Variants in TIMMDC1 observed in about 807,000 individuals in gnomAD.
The protein encoded by TIMMDC1 is complex I assembly factor TIMMDC1, mitochondrial.
A neutral mutation model predicts 32.6 loss-of-function variants in TIMMDC1; 25 were observed. That is an observed-to-expected ratio of 0.77 (90% CI 0.56 to 1.07). The LOEUF (loss-of-function observed/expected upper bound fraction) is 1.07, where lower values mean the gene tolerates loss of function less well. Ranked by LOEUF, TIMMDC1 falls within the 50% of genes least tolerant of loss-of-function variation. The pLI is 0.00. For synonymous variants in TIMMDC1, 130 were observed against 127.6 expected (o/e 1.02, Z -0.13); for missense variants, 329 against 349.2 (o/e 0.94, Z 0.46).
chr3:119,508,105 T>G (rs1258417798), intron 4 of TIMMDC1, among the ~76,000 whole-genome samples: 1 of 152,182 alleles, frequency 6.6e-6, no homozygotes, highest in African/African-American at 2.4e-5. Context: ...TCTGGCATAT[T>G]TCAAAATGGT....
At position 119,503,573 on chromosome 3, in the gene TIMMDC1, T is replaced by C. The variant is rs375352417; in HGVS notation, c.402T>C (p.Tyr134=). Residue 134 remains tyrosine (Y), a synonymous_variant, in exon 3 of 7, where the codon TAT becomes TAC. Transcript: ENST00000494664. ...CTGCCACACGAGGCTTCATTCGTTA[T>C]GGCTGGCGCTGGGGTTGGAGAACTG... ...HRAATRGFIR[Y]GWRWGWRTAV... The C allele has an allele frequency of 4.3e-6, 7 of 1,612,384 alleles. No homozygotes were observed. Among genetic ancestry groups the C allele is most frequent in the Admixed American group, 1.7e-5 (1 of 59,606 alleles).
At chr3:119,518,079 A>G (rs909922233) in intron 6 of TIMMDC1, among the ~76,000 whole-genome samples, 2 of 151,878 alleles carry the variant, frequency 1.3e-5, no homozygotes, top group African/African-American at 4.8e-5. Context: ...AATTAGGTGG[A>G]CAATGGTTGT....
At chr3:119,500,092 C>T (rs902593145) in intron 1 of TIMMDC1, among the ~76,000 whole-genome samples, 10 of 152,140 alleles carry the variant, frequency 6.6e-5, no homozygotes, top group African/African-American at 2.4e-5. Flanking sequence ...TAGTACAGTC[C>T]TATCTGAGTA....
intron 5 of TIMMDC1, among the ~76,000 whole-genome samples, chr3:119,516,724 G>A (rs1232553662): frequency 6.6e-6 from 1 of 152,100 alleles, no homozygotes; most frequent in African/African-American, 2.4e-5. Context: ...TTGAACTTCA[G>A]GATATTTTGG....
intron 5 of TIMMDC1, among the ~76,000 whole-genome samples, chr3:119,516,231 AT>A (rs2081984632): frequency 6.6e-6 from 1 of 152,228 alleles, no homozygotes; most frequent in Non-Finnish European, 1.5e-5. Flanking sequence ...AACTATATGC[AT>A]TAAAAACTAA....
In TIMMDC1 at chr3:119,524,979, A is replaced by C. The variant is rs1344601145; in HGVS notation, c.*1223A>C. ...CATAAATATTTTACAAATGAGGTCA[A>C]ACTAGCATAAAGCCATTTAAAGAGA... On this transcript the variant is annotated 3_prime_UTR_variant, in exon 7 of 7. Coordinates refer to ENST00000494664, the MANE Select transcript of TIMMDC1 (RefSeq NM_016589.4). 6.6e-6 allele frequency: 1 copy of C among 152,266 alleles called. No individual in the cohort carries two copies. The highest frequency in any genetic ancestry group is 6.5e-5 in the Admixed American group (1 of 15,282). 9.4% of individuals were successfully genotyped at this position (152,266 alleles called of 1,614,324 possible).
Position 119,500,976 on chromosome 3 carries a change from G to A in TIMMDC1, c.360+116G>A, listed in dbSNP as rs746731294. The stretch of plus-strand genomic sequence containing the variant: ...GGTTGTTTTAAGGTGTCAGAGTAAA[G>A]AAATAAAGTCTGTACTTAATAACAG... On this transcript the variant is annotated intron_variant, in intron 2 of 6. Coordinates refer to ENST00000494664, the MANE Select transcript of TIMMDC1 (RefSeq NM_016589.4). 92 of 1,046,912 alleles carry A rather than the reference G, an allele frequency of 8.8e-5. No homozygotes were observed. In the African/African-American group the frequency reaches 1.4e-3, roughly 16 times the overall value. 64.9% of individuals were successfully genotyped at this position (1,046,912 alleles called of 1,614,324 possible).
intron 6 of TIMMDC1, among the ~76,000 whole-genome samples, chr3:119,518,709 A>G (rs960067795): frequency 6.6e-6 from 1 of 152,108 alleles, no homozygotes; most frequent in African/African-American, 2.4e-5. Context: ...ACCACTGGCA[A>G]CCCTGCCAAT....
Position 119,505,356 on chromosome 3 carries a change from T to C in TIMMDC1, c.517+1335T>C, listed in dbSNP as rs546320760. Among the ~76,000 whole-genome samples the C allele has an allele frequency of 2.6e-5, 4 of 152,156 alleles. No homozygotes were observed. In the East Asian group the frequency reaches 7.7e-4, roughly 29 times the overall value. Reference sequence around the variant, plus strand: ...ACAACACACATATGTATTCTGAACATAAGTTTGTTTTTGTTTTTTTTTTTG... The same window carrying C: ...ACAACACACATATGTATTCTGAACACAAGTTTGTTTTTGTTTTTTTTTTTG... On this transcript the variant is annotated intron_variant, in intron 4 of 6. Coordinates refer to ENST00000494664, the MANE Select transcript of TIMMDC1 (RefSeq NM_016589.4).
intron 6 of TIMMDC1, among the ~76,000 whole-genome samples, chr3:119,518,267 A>C (rs1365978588): frequency 2.0e-5 from 3 of 152,118 alleles, no homozygotes; most frequent in Non-Finnish European, 4.4e-5. Context: ...AATGATTTTC[A>C]CTAGTTCACC....
At chr3:119,500,597 TGTG>T (rs1360708931) in intron 1 of TIMMDC1, 95 bp from the exon 2 acceptor site, 9 of 1,033,788 alleles carry the variant, frequency 8.7e-6, no homozygotes, top group Middle Eastern at 2.2e-4. Context: ...TGAAAAATGT[TGTG>T]GTGGTAGCAT....
rs1307233039 is a variant in TIMMDC1, at chr3:119,498,621, A to G, written c.-113A>G. 1 of 1,084,258 alleles carries G rather than the reference A, an allele frequency of 9.2e-7. No homozygotes were observed. Among genetic ancestry groups the G allele is most frequent in the Non-Finnish European group, 1.4e-6 (1 of 736,850 alleles). 67.2% of individuals were successfully genotyped at this position (1,084,258 alleles called of 1,614,324 possible). On this transcript the variant is annotated 5_prime_UTR_variant, in exon 1 of 7. Coordinates refer to ENST00000494664, the MANE Select transcript of TIMMDC1 (RefSeq NM_016589.4). Reference sequence around the variant, plus strand: ...TGTCGAGCCCTCTGGCAGAGGGTTAACCTGGGTCAAATGCACGGATTCTCA... The same window carrying G: ...TGTCGAGCCCTCTGGCAGAGGGTTAGCCTGGGTCAAATGCACGGATTCTCA...
In TIMMDC1 at chr3:119,503,588, T is replaced by C. The variant is rs764000317; in HGVS notation, c.417T>C (p.Gly139=). The change falls in exon 3 of 7, where the codon GGT becomes GGC. Residue 139 remains glycine, a synonymous_variant. Coordinates refer to ENST00000494664, the MANE Select transcript of TIMMDC1 (RefSeq NM_016589.4). ...RGFIRYGWRW[G]WRTAVFVTIF... is the part of the protein sequence containing the mutation. ...TCATTCGTTATGGCTGGCGCTGGGGTTGGAGAACTGCAGTGTTTGTGACTA... is the reference window on the plus strand; with the variant it reads ...TCATTCGTTATGGCTGGCGCTGGGGCTGGAGAACTGCAGTGTTTGTGACTA... 1 of 1,611,640 alleles carries C rather than the reference T, an allele frequency of 6.2e-7. No individual in the cohort carries two copies. The highest frequency in any genetic ancestry group is 8.5e-7 in the Non-Finnish European group (1 of 1,179,198).
intron 5 of TIMMDC1, 70 bp downstream of exon 5, chr3:119,513,789 C>T (rs755575310): frequency 4.0e-6 from 4 of 990,238 alleles, no homozygotes; most frequent in East Asian, 5.4e-5. Flanking sequence ...TAAAAAGTCT[C>T]ATTTATTTTC....
At chr3:119,512,583 T>C (rs1444323167) in intron 4 of TIMMDC1, among the ~76,000 whole-genome samples, 11 of 151,994 alleles carry the variant, frequency 7.2e-5, no homozygotes. Flanking sequence ...CGGCCCCAGT[T>C]GTTGTTTTTG....
intron 5 of TIMMDC1, among the ~76,000 whole-genome samples, chr3:119,515,320 T>A (rs769921962): frequency 6.6e-5 from 10 of 152,182 alleles, no homozygotes; most frequent in South Asian, 4.1e-4. Context: ...TCTCTGTTCC[T>A]GGAGGCCACC....
rs201748721 is a variant in TIMMDC1, at chr3:119,498,823, C to T, written c.90C>T (p.Ala30=). ...TCTTTGCTGCCGAAGCTGTGACTGC[C>T]GATTCGGAAGTCCTTGAGGAGCGTC... The part of the protein sequence containing the change: ...PRVFAAEAVT[A]DSEVLEERQK... The change falls in exon 1 of 7, where the codon GCC becomes GCT. Residue 30 remains alanine (A), a synonymous_variant. Coordinates refer to ENST00000494664, the MANE Select transcript of TIMMDC1 (RefSeq NM_016589.4). The T allele has an allele frequency of 3.1e-6, 5 of 1,614,154 alleles. No individual in the cohort carries two copies. The highest frequency in any genetic ancestry group is 1.7e-5 in the Admixed American group (1 of 60,024).
chr3:119,504,221 T>G (rs1233850839), intron 4 of TIMMDC1, among the ~76,000 whole-genome samples, 200 bp downstream of exon 4: 1 of 152,262 alleles, frequency 6.6e-6, no homozygotes, highest in Admixed American at 6.5e-5. Context: ...GCCCTTGCTT[T>G]CTTTGAATTT....
At position 119,498,690 on chromosome 3, in the gene TIMMDC1, G is replaced by C. The variant is rs781570244; in HGVS notation, c.-44G>C. 6.3e-7 allele frequency: 1 copy of C among 1,589,516 alleles called. No homozygotes were observed. ...TCCCGCGGCACGTCCGCGAGGACTT[G>C]AAGTCCTGAGCGCTCAAGTTTGTCC... On this transcript the variant is annotated 5_prime_UTR_variant, in exon 1 of 7. It removes the in-frame stop codon of an upstream open reading frame in the 5' UTR. Transcript: ENST00000494664.
Sources: gnomAD v4.1 joint callset for allele counts (sites outside exome capture counted in the v4.1 genomes callset) on GRCh38, gnomAD v4.1.1 for gene constraint, MANE v1.5 for transcripts, NCBI Gene and HGNC (gene_info 2026-07-23, HGNC 2026-07-21) for gene names.